PEDS1: variants seen among roughly 807,000 people sequenced by gnomAD.
PEDS1 encodes the protein plasmanylethanolamine desaturase 1.
PEDS1 carries 14 observed loss-of-function variants against 35.2 expected under a neutral mutation model. The ratio of observed to expected loss-of-function variants is 0.40; its 90% confidence interval spans 0.26 to 0.62. The LOEUF (loss-of-function observed/expected upper bound fraction) is 0.62, where lower values mean the gene tolerates loss of function less well. PEDS1 is among the 20% of genes least tolerant of loss of function. PEDS1 has a pLI of 0.44. For missense variants in PEDS1, 260 were observed against 367.8 expected, an observed-to-expected ratio of 0.71 and a Z score of 2.40; for synonymous variants, 152 against 152.0, an observed-to-expected ratio of 1.00 and a Z score of 0.00.
intron 2 of PEDS1, among the ~76,000 whole-genome samples, chr20:50,131,930 G>A (rs888842482): frequency 4.6e-5 from 7 of 152,150 alleles, no homozygotes; most frequent in Middle Eastern, 3.4e-3. Context: ...GCGACTGGGC[G>A]CCGTGGCTCA....
chr20:50,142,754 GGCT>G (rs1344044108), intron 2 of PEDS1, among the ~76,000 whole-genome samples: 1 of 146,544 alleles, frequency 6.8e-6, no homozygotes, highest in African/African-American at 2.5e-5. Flanking sequence ...ACCTGGCTGG[GGCT>G]GCTATGTTTT....
chr20:50,129,425 A>G lies in PEDS1; in HGVS notation c.478+121T>C, dbSNP rs548124119. 3.6e-6 allele frequency: 5 copies of G among 1,395,012 alleles called. No individual in the cohort carries two copies. The highest frequency in any genetic ancestry group is 4.7e-6 in the Non-Finnish European group (5 of 1,054,082). 86.4% of individuals were successfully genotyped at this position (1,395,012 alleles called of 1,614,324 possible). A position where few individuals can be genotyped will look rare whatever the true frequency, so the allele number is the denominator to read the frequency against. Reference sequence around the variant, plus strand: ...GGTTTCCTGATTTTACATGAAGACAATGAATGAAAACTCTTTTAAAATACC... The same window carrying G: ...GGTTTCCTGATTTTACATGAAGACAGTGAATGAAAACTCTTTTAAAATACC... On this transcript the variant is annotated intron_variant, in intron 4 of 5. Coordinates refer to ENST00000371652, the MANE Select transcript of PEDS1 (RefSeq NM_199129.4). The surrounding 1 kb of genome is among the most constrained non-coding windows in gnomAD (Gnocchi z 4.2).
rs2081023168 is a variant in PEDS1 at position 50,118,539 on chromosome 20, T to C, written c.*6519A>G. 1 of 152,062 alleles carries C rather than the reference T, an allele frequency of 6.6e-6. No homozygotes were observed. The highest frequency in any genetic ancestry group is 2.4e-5 in the African/African-American group (1 of 41,382). 9.4% of individuals were successfully genotyped at this position (152,062 alleles called of 1,614,324 possible). The stretch of plus-strand genomic sequence containing the variant: ...ACATGAACAGATGAGGAAATGCAAA[T>C]GCATTTTAAACTCACAGTAAGATAC... On this transcript the variant is annotated 3_prime_UTR_variant, in exon 6 of 6. Transcript: ENST00000371652.
chr20:50,143,361 A>T (rs1272633501), intron 2 of PEDS1, 141 bp downstream of exon 2: 1 of 1,378,584 alleles, frequency 7.3e-7, no homozygotes, highest in African/African-American at 1.4e-5. Context: ...GCTGACTGCA[A>T]TAGGGAGGTG....
Position 50,128,276 on chromosome 20 carries a change from G to A in PEDS1, c.479-89C>T, listed in dbSNP as rs572577107. The A allele has an allele frequency of 2.9e-5, 44 of 1,500,112 alleles. No homozygotes were observed. The highest frequency in any genetic ancestry group is 8.6e-5 in the South Asian group (7 of 81,450). 92.9% of individuals were successfully genotyped at this position (1,500,112 alleles called of 1,614,324 possible). A position where few individuals can be genotyped will look rare whatever the true frequency, so the allele number is the denominator to read the frequency against. ...TGGCCCTCACCACCTGCTCCTGGGC[G>A]GCTCCTGAGCTGGGCAAGCACCCAG... On this transcript the variant is annotated intron_variant, in intron 4 of 5. Transcript: ENST00000371652. This position sits in a 1 kb window ranked among gnomAD's most constrained non-coding sequence, Gnocchi z 5.2.
chr20:50,131,347 G>A (rs145208839), intron 2 of PEDS1, among the ~76,000 whole-genome samples: 4 of 152,328 alleles, frequency 2.6e-5, no homozygotes, highest in Admixed American at 2.0e-4. Flanking sequence ...TCGGCCAGGT[G>A]CGGTGGCTCA....
chr20:50,130,662 C>G (rs1470411522), intron 3 of PEDS1, among the ~76,000 whole-genome samples, 194 bp downstream of exon 3: 1 of 152,228 alleles, frequency 6.6e-6, no homozygotes, highest in African/African-American at 2.4e-5. Context: ...TGGACCATCC[C>G]AAGCCTGATG....
intron 1 of PEDS1, among the ~76,000 whole-genome samples, chr20:50,146,435 G>A (rs1320177615): frequency 6.6e-6 from 1 of 152,154 alleles, no homozygotes; most frequent in African/African-American, 2.4e-5. Context: ...CTCAGTAAAT[G>A]CTTGCAGAAT....
intron 1 of PEDS1, among the ~76,000 whole-genome samples, chr20:50,145,089 C>T (rs1358104581): frequency 1.3e-5 from 2 of 151,744 alleles, no homozygotes; most frequent in African/African-American, 2.4e-5. Flanking sequence ...GTAATCCCAG[C>T]TATTCGGGAG....
rs530108486 is a variant in PEDS1 at position 50,153,434 on chromosome 20, C to G, written c.121+83G>C. The G allele has an allele frequency of 1.0e-4, 126 of 1,239,558 alleles. No homozygotes were observed. In the African/African-American group the frequency reaches 1.8e-3, roughly 17 times the overall value. The allele number at this position is 1,239,558 out of a possible 1,614,324, so 76.8% of individuals were successfully genotyped here. On this transcript the variant is annotated intron_variant, in intron 1 of 5. Coordinates refer to ENST00000371652, the MANE Select transcript of PEDS1 (RefSeq NM_199129.4). ...CGGGCTGGAGTTCCGCATCTGGGCC[C>G]GAGGTTGGGACTCCAGTCTGGGGTC...
chr20:50,127,340 GTTTTTTTTTTTTT>G (rs11471254), intron 5 of PEDS1, among the ~76,000 whole-genome samples: 2 of 87,196 alleles, frequency 2.3e-5, no homozygotes, highest in Non-Finnish European at 4.1e-5. Flanking sequence ...GTGTTTTCTG[GTTTTTTTTTTTTT>G]TTTTTTTTTT....
In PEDS1 at chr20:50,153,572, G is replaced by C. The variant is rs2147315921; in HGVS notation, c.66C>G (p.Cys22Trp). 7.0e-7 allele frequency: 1 copy of C among 1,434,628 alleles called. No homozygotes were observed. Among genetic ancestry groups the C allele is most frequent in the African/African-American group, 1.5e-5 (1 of 68,370 alleles). The allele number at this position is 1,434,628 out of a possible 1,614,324, so 88.9% of individuals were successfully genotyped here. Residue 22 changes from cysteine (C) to tryptophan (W), a missense_variant, in exon 1 of 6, where the codon TGC (cysteine) becomes TGG (tryptophan). Coordinates refer to ENST00000371652, the MANE Select transcript of PEDS1 (RefSeq NM_199129.4). ...LELDEDEASC[C>W]RWGAQHAGAR... ...CCCCGGCGTGCTGCGCGCCCCAGCG[G>C]CAACAAGACGCCTCGTCCTCGTCCA...
At chr20:50,143,273 G>A (rs993047997) in intron 2 of PEDS1, among the ~76,000 whole-genome samples, 1 of 152,182 alleles carries the variant, frequency 6.6e-6, no homozygotes, top group African/African-American at 2.4e-5. Flanking sequence ...TGGTTTGGAT[G>A]TGCAATGCAA....
At chr20:50,138,002 G>T (rs1347260051) in intron 2 of PEDS1, among the ~76,000 whole-genome samples, 2 of 152,196 alleles carry the variant, frequency 1.3e-5, no homozygotes, top group African/African-American at 4.8e-5. Context: ...ATCTGAATAA[G>T]CCATGGACTC....
In PEDS1 at chr20:50,127,339, GGTTT is replaced by G. The variant is rs1418750935; in HGVS notation, c.691+632_691+635del. ...ACAAGGGCAAGGATCCGTGTTTTCT[GGTTT>G]TTTTTTTTTTTTTTTTTTTTTTGAG... On this transcript the variant is annotated intron_variant, in intron 5 of 5. Coordinates refer to ENST00000371652, the MANE Select transcript of PEDS1 (RefSeq NM_199129.4). 1.0e-4 allele frequency among the ~76,000 whole-genome samples: 13 copies of G among 125,450 alleles called. No homozygotes were observed. In the East Asian group the frequency reaches 2.5e-3, roughly 24 times the overall value. The allele number at this position is 125,450 out of a possible 152,430, so 82.3% of individuals were successfully genotyped here. A position where few individuals can be genotyped will look rare whatever the true frequency, so the allele number is the denominator to read the frequency against.
intron 1 of PEDS1, among the ~76,000 whole-genome samples, chr20:50,146,442 G>C (rs1288911382): frequency 1.3e-5 from 2 of 152,306 alleles, no homozygotes; most frequent in African/African-American, 2.4e-5. Context: ...AATGCTTGCA[G>C]AATGAGCAAA....
intron 1 of PEDS1, among the ~76,000 whole-genome samples, chr20:50,145,905 G>A (rs2081340510): frequency 6.6e-6 from 1 of 152,176 alleles, no homozygotes; most frequent in African/African-American, 2.4e-5. Context: ...GACCATCAGA[G>A]TGGTCAAGGA....
chr20:50,149,966 G>A (rs549011449), intron 1 of PEDS1, among the ~76,000 whole-genome samples: 1 of 152,278 alleles, frequency 6.6e-6, no homozygotes, highest in East Asian at 1.9e-4. Context: ...AAAGTGGACT[G>A]GGTGCTCATG....
chr20:50,141,744 G>A (rs2147293984), intron 2 of PEDS1, among the ~76,000 whole-genome samples: 1 of 152,340 alleles, frequency 6.6e-6, no homozygotes, highest in East Asian at 1.9e-4. Context: ...ATCCCTGGGG[G>A]CAGGGGACAT....
Sources: allele counts gnomAD v4.1 joint callset (sites outside exome capture counted in the v4.1 genomes callset), GRCh38; gene constraint gnomAD v4.1.1; non-coding constraint Gnocchi (gnomAD v3.1); transcripts MANE v1.5; gene names NCBI Gene and HGNC (gene_info 2026-07-23, HGNC 2026-07-21).